The following ROBO2 variants were observed in gnomAD, a reference collection of about 807,000 sequenced individuals.
The protein encoded by ROBO2 is roundabout homolog 2.
ROBO2 carries 53 observed loss-of-function variants against 160.8 expected under a neutral mutation model. The ratio of observed to expected loss-of-function variants is 0.33; its 90% CI spans 0.26 to 0.41. The LOEUF (loss-of-function observed/expected upper bound fraction) is 0.41, where lower values mean the gene tolerates loss of function less well. Among genes scored for constraint, ROBO2 ranks in the 10% least tolerant of loss-of-function variants. The pLI is 1.00. For synonymous variants in ROBO2, 664 were observed against 611.7 expected, an observed-to-expected ratio of 1.09 and a Z score of -1.26; for missense variants, 1,577 against 1,722.4, an observed-to-expected ratio of 0.92 and a Z score of 1.49.
intron 2 of ROBO2, among the ~76,000 whole-genome samples, chr3:76,015,417 G>A (rs1383904417): frequency 1.3e-5 from 2 of 151,792 alleles, no homozygotes; most frequent in Non-Finnish European, 2.9e-5. Flanking sequence ...CCAGAAATCA[G>A]GCTGAGTTTA....
At chr3:76,149,448 C>T (rs558546835) in intron 2 of ROBO2, among the ~76,000 whole-genome samples, 2 of 152,124 alleles carry the variant, frequency 1.3e-5, no homozygotes, top group Non-Finnish European at 2.9e-5. Flanking sequence ...TCACTCCTGT[C>T]TAAAACATGC....
intron 2 of ROBO2, among the ~76,000 whole-genome samples, chr3:76,985,330 C>T (rs886346160): frequency 1.3e-5 from 2 of 151,700 alleles, no homozygotes; most frequent in Admixed American, 6.6e-5. Flanking sequence ...CACCTGTAAT[C>T]CCAGCACTTT....
chr3:77,396,000 T>A (rs1256664268), intron 2 of ROBO2, among the ~76,000 whole-genome samples: 1 of 151,962 alleles, frequency 6.6e-6, no homozygotes, highest in African/African-American at 2.4e-5. Context: ...CTTAATCTTT[T>A]TGATATCCAA....
chr3:77,271,405 G>T (rs1468143077), intron 2 of ROBO2, among the ~76,000 whole-genome samples: 3 of 152,156 alleles, frequency 2.0e-5, no homozygotes, highest in Admixed American at 2.0e-4. Context: ...TATTGTATTT[G>T]TTTTCTATGA....
At chr3:76,367,521 T>C (rs1463935617) in intron 2 of ROBO2, among the ~76,000 whole-genome samples, 1 of 152,010 alleles carries the variant, frequency 6.6e-6, no homozygotes, top group African/African-American at 2.4e-5. Context: ...TCCTGTGGTT[T>C]GTGCCCAAAT....
chr3:76,079,455 T>G (rs2068745635), intron 2 of ROBO2, among the ~76,000 whole-genome samples: 1 of 148,918 alleles, frequency 6.7e-6, no homozygotes. Context: ...CATTGAAAAT[T>G]TATTTATTTA....
At chr3:76,652,771 A>G (rs983943178) in intron 2 of ROBO2, among the ~76,000 whole-genome samples, 2 of 151,966 alleles carry the variant, frequency 1.3e-5, no homozygotes, top group Non-Finnish European at 1.5e-5. Flanking sequence ...AAAAAAAAAG[A>G]GCTAGGCATA....
At chr3:76,246,999 C>A (rs1225042104) in intron 2 of ROBO2, among the ~76,000 whole-genome samples, 1 of 151,994 alleles carries the variant, frequency 6.6e-6, no homozygotes, top group Non-Finnish European at 1.5e-5. Flanking sequence ...GGGTGACCAG[C>A]AAATAGGTGT....
chr3:77,460,854 T>G (rs548799643), intron 2 of ROBO2, among the ~76,000 whole-genome samples: 1 of 152,288 alleles, frequency 6.6e-6, no homozygotes, highest in South Asian at 2.1e-4. Flanking sequence ...CCATATTTTT[T>G]TCCATGGCCA....
intron 2 of ROBO2, among the ~76,000 whole-genome samples, chr3:76,667,103 C>T (rs1329268490): frequency 9.2e-5 from 14 of 151,998 alleles, no homozygotes; most frequent in Admixed American, 5.9e-4. Flanking sequence ...CTGACAAAGA[C>T]GGTGAAAAGT....
At chr3:76,478,460 T>G (rs1374017232) in intron 2 of ROBO2, among the ~76,000 whole-genome samples, 2 of 151,850 alleles carry the variant, frequency 1.3e-5, no homozygotes, top group Non-Finnish European at 2.9e-5. Flanking sequence ...CCAAGTCTTT[T>G]GGGAAAACTG....
chr3:77,109,124 A>T (rs183137049), intron 2 of ROBO2, among the ~76,000 whole-genome samples: 19 of 152,318 alleles, frequency 1.2e-4, no homozygotes, highest in Admixed American at 1.2e-3. Flanking sequence ...AAATTTAAAA[A>T]ACGCATCTGT....
chr3:77,465,357 A>G (rs1319165572), intron 2 of ROBO2, among the ~76,000 whole-genome samples: 6 of 152,164 alleles, frequency 3.9e-5, no homozygotes, highest in African/African-American at 1.2e-4. Context: ...AGTAACTACA[A>G]TGTAGAGATT....
chr3:76,735,972 A>G (rs1402597140), intron 2 of ROBO2, among the ~76,000 whole-genome samples: 2 of 151,844 alleles, frequency 1.3e-5, no homozygotes, highest in Non-Finnish European at 1.5e-5. Flanking sequence ...AATAAAAGTC[A>G]AAACTCTTTT....
At chr3:75,926,099 G>A (rs866958905) in intron 1 of ROBO2, among the ~76,000 whole-genome samples, 8 of 152,132 alleles carry the variant, frequency 5.3e-5, no homozygotes, top group Non-Finnish European at 1.0e-4. Context: ...AATCTTGTAG[G>A]AGTATGATAT....
chr3:75,916,476 A>G (rs1946811042), intron 1 of ROBO2, among the ~76,000 whole-genome samples: 1 of 152,202 alleles, frequency 6.6e-6, no homozygotes, highest in Non-Finnish European at 1.5e-5. Flanking sequence ...TTTACTACCA[A>G]GAATTATACT....
At chr3:76,899,882 A>T (rs1336659838) in intron 2 of ROBO2, among the ~76,000 whole-genome samples, 1 of 152,146 alleles carries the variant, frequency 6.6e-6, no homozygotes, top group African/African-American at 2.4e-5. Flanking sequence ...TTTTTTAACC[A>T]TAGGGAATTC....
chr3:76,814,249 G>A (rs1050389007), intron 2 of ROBO2, among the ~76,000 whole-genome samples: 2 of 152,114 alleles, frequency 1.3e-5, no homozygotes, highest in African/African-American at 4.8e-5. Flanking sequence ...GATGGATATG[G>A]TGATGGAGTA....
intron 22 of ROBO2, among the ~76,000 whole-genome samples, chr3:77,621,573 ATGAAT>A (rs1260495872): frequency 6.6e-6 from 1 of 152,206 alleles, no homozygotes; most frequent in Non-Finnish European, 1.5e-5. Flanking sequence ...GAATCCTTAG[ATGAAT>A]TGTTTATGCC....
Sources: gnomAD v4.1 joint callset for allele counts (sites outside exome capture counted in the v4.1 genomes callset) on GRCh38, gnomAD v4.1.1 for gene constraint, MANE v1.5 for transcripts, NCBI Gene and HGNC (gene_info 2026-07-23, HGNC 2026-07-21) for gene names.